The following GLRA2 variants were observed in gnomAD, a reference collection of about 807,000 sequenced individuals.
The protein encoded by GLRA2 is glycine receptor subunit alpha-2.
GLRA2 carries 11 observed loss-of-function variants against 31.6 expected under a neutral mutation model. That is an observed-to-expected ratio of 0.35 (90% CI 0.22 to 0.58). The LOEUF is 0.58. Ranked by LOEUF, GLRA2 falls within the 20% of genes least tolerant of loss-of-function variation. The pLI is 0.84. For synonymous variants in GLRA2, 132 were observed against 134.0 expected (o/e 0.99, Z 0.10); for missense variants, 212 against 351.8 (o/e 0.60, Z 3.18).
chrX:14,666,086 T>C (rs2091036187), intron 7 of GLRA2, among the ~76,000 whole-genome samples: 1 of 112,145 alleles, frequency 8.9e-6, no homozygotes, highest in Admixed American at 9.4e-5. Context: ...ACAATGTGCT[T>C]CATGTGAGAG....
At chrX:14,496,937 A>G in the GLRA2 span, among the ~76,000 whole-genome samples, 1 of 111,878 alleles carries the variant, frequency 8.9e-6, no homozygotes, top group Non-Finnish European at 1.9e-5. Context: ...ATACCAGAGC[A>G]TCAAAGTCCT....
At chrX:14,637,412 C>T (rs2090722060) in intron 7 of GLRA2, among the ~76,000 whole-genome samples, 1 of 111,948 alleles carries the variant, frequency 8.9e-6, no homozygotes, top group Non-Finnish European at 1.9e-5. Context: ...CCCAATAAAG[C>T]TAAAGGAATA....
chrX:14,665,412 C>T (rs902639715), intron 7 of GLRA2, among the ~76,000 whole-genome samples: 1 of 112,061 alleles, frequency 8.9e-6, no homozygotes, highest in African/African-American at 3.2e-5. Flanking sequence ...TGATAAATTC[C>T]ATTAGCTGAT....
the GLRA2 span, among the ~76,000 whole-genome samples, chrX:14,465,714 G>A: frequency 8.9e-6 from 1 of 112,087 alleles, no homozygotes; most frequent in Non-Finnish European, 1.9e-5. Flanking sequence ...GATTGAACAA[G>A]TTAGAATTGG....
chrX:14,604,941 G>T (rs1476289787), intron 5 of GLRA2, among the ~76,000 whole-genome samples: 2 of 110,607 alleles, frequency 1.8e-5, no homozygotes, highest in Non-Finnish European at 3.8e-5. Flanking sequence ...GACAGAATAA[G>T]AGGCATTTCT....
chrX:14,688,595 C>T (rs372793112), intron 7 of GLRA2, among the ~76,000 whole-genome samples: 9 of 111,617 alleles, frequency 8.1e-5, no homozygotes, highest in East Asian at 2.8e-4. Flanking sequence ...TGGGACCCTC[C>T]GAGCCAGGCG....
chrX:14,451,741 A>AAGG, the GLRA2 span, among the ~76,000 whole-genome samples: 1 of 108,991 alleles, frequency 9.2e-6, no homozygotes, highest in Non-Finnish European at 1.9e-5. Context: ...TCTCACAGGT[A>AAGG]AGGACACCCA....
At chrX:14,631,329 T>C (rs1416359734) in intron 7 of GLRA2, among the ~76,000 whole-genome samples, 1 of 111,331 alleles carries the variant, frequency 9.0e-6, no homozygotes, top group East Asian at 2.8e-4. Flanking sequence ...AATGTAGTTA[T>C]AGTAGGATTT....
chrX:14,524,976 A>T (rs185020443), upstream of GLRA2, among the ~76,000 whole-genome samples: 1 of 110,982 alleles, frequency 9.0e-6, no homozygotes, highest in African/African-American at 3.3e-5. Context: ...ATAAACTTAC[A>T]CAAACTATAG....
the GLRA2 span, among the ~76,000 whole-genome samples, chrX:14,485,528 G>A: frequency 9.0e-6 from 1 of 111,710 alleles, no homozygotes; most frequent in African/African-American, 3.3e-5. Context: ...TATGCATAGT[G>A]AACTGGTTAC....
At chrX:14,520,070 C>T in the GLRA2 span, among the ~76,000 whole-genome samples, 3,661 of 112,165 alleles carry the variant, frequency 0.033, 70 homozygotes, top group Non-Finnish European at 0.049. Context: ...ATAATTCACT[C>T]TTTCCAAATT....
intron 3 of GLRA2, among the ~76,000 whole-genome samples, chrX:14,577,788 A>T (rs1261975199): frequency 9.0e-6 from 1 of 111,555 alleles, no homozygotes; most frequent in Non-Finnish European, 1.9e-5. Context: ...GGACACAAAC[A>T]TTCAGTCCAT....
chrX:14,691,943 T>C (rs932833316), intron 8 of GLRA2, among the ~76,000 whole-genome samples: 3 of 112,516 alleles, frequency 2.7e-5, no homozygotes, highest in African/African-American at 9.7e-5. Context: ...GTAATAGTTA[T>C]ATGCTACTCT....
chrX:14,487,806 G>A, the GLRA2 span, among the ~76,000 whole-genome samples: 1 of 111,656 alleles, frequency 9.0e-6, no homozygotes, highest in Admixed American at 9.5e-5. Context: ...TACTTTCTAG[G>A]TCCTTTACCA....
At chrX:14,716,080 C>A (rs996524724) in intron 8 of GLRA2, among the ~76,000 whole-genome samples, 1 of 111,281 alleles carries the variant, frequency 9.0e-6, no homozygotes, top group Admixed American at 9.6e-5. Context: ...GAAGCTGACC[C>A]TGTCAGAAGG....
intron 7 of GLRA2, among the ~76,000 whole-genome samples, chrX:14,640,481 G>A (rs1160198): frequency 0.056 from 6,195 of 110,945 alleles, 201 homozygotes; most frequent in Admixed American, 0.11. Context: ...TGCATAAAAT[G>A]CCCATGTACA....
chrX:14,578,325 C>T (rs2089979282), intron 3 of GLRA2, among the ~76,000 whole-genome samples: 1 of 112,278 alleles, frequency 8.9e-6, no homozygotes. Context: ...AAAGTAGAGG[C>T]CTGCTTACAG....
At chrX:14,609,341 G>A in intron 7 of GLRA2, 136 bp downstream of exon 7, 1 of 403,858 alleles carries the variant, frequency 2.5e-6, no homozygotes, top group Non-Finnish European at 4.2e-6. Flanking sequence ...AGGACAAGAA[G>A]CTGAGTTTGA....
chrX:14,554,223 G>C (rs761494438), intron 2 of GLRA2, among the ~76,000 whole-genome samples: 2 of 111,905 alleles, frequency 1.8e-5, no homozygotes, highest in South Asian at 3.8e-4. Flanking sequence ...TGTCCTAGTT[G>C]TTAGTAGAGA....
Sources: gnomAD v4.1 joint callset for allele counts (sites outside exome capture counted in the v4.1 genomes callset) on GRCh38, gnomAD v4.1.1 for gene constraint, MANE v1.5 for transcripts, NCBI Gene and HGNC (gene_info 2026-07-23, HGNC 2026-07-21) for gene names.